Variants in SERBP1 observed in about 807,000 individuals in gnomAD.
SERBP1 encodes the protein SERPINE1 mRNA-binding protein 1.
Under a neutral mutation model 50.2 loss-of-function variants are expected in SERBP1, and 6 were observed. The ratio of observed to expected loss-of-function variants is 0.12; its 90% CI spans 0.07 to 0.24. The LOEUF (loss-of-function observed/expected upper bound fraction) is 0.24, where lower values mean the gene tolerates loss of function less well. SERBP1 is among the 10% of genes least tolerant of loss of function. SERBP1 has a pLI of 1.00. For synonymous variants in SERBP1, 168 were observed against 182.8 expected, an observed-to-expected ratio of 0.92 and a Z score of 0.65; for missense variants, 346 against 524.9, an observed-to-expected ratio of 0.66 and a Z score of 3.33.
At chr1:67,424,671 T>TG (rs1007108326) in intron 4 of SERBP1, among the ~76,000 whole-genome samples, 12 of 114,614 alleles carry the variant, frequency 1.0e-4, no homozygotes, top group African/African-American at 3.0e-4. Flanking sequence ...CAAATACATA[T>TG]GGGGGGGAAA....
intron 6 of SERBP1, among the ~76,000 whole-genome samples, chr1:67,417,971 G>GTTT (rs397861816): frequency 0.052 from 4,012 of 76,792 alleles, 366 homozygotes; most frequent in Non-Finnish European, 0.059. Context: ...TTAAAGTGTT[G>GTTT]TTTTTTTTTT....
chr1:67,415,608 C>T (rs374686663), intron 6 of SERBP1, among the ~76,000 whole-genome samples: 16 of 152,190 alleles, frequency 1.1e-4, no homozygotes, highest in South Asian at 4.1e-4. Context: ...TCAACCCAAA[C>T]GGCTGAAGCC....
chr1:67,429,899 C>T (rs1667513412), intron 1 of SERBP1, 89 bp downstream of exon 1: 2 of 1,381,424 alleles, frequency 1.4e-6, no homozygotes, highest in Admixed American at 2.3e-5. Flanking sequence ...TCCCGCGGAC[C>T]CTCGGAGCTC....
chr1:67,415,451 G>A (rs1403924853), intron 6 of SERBP1, 112 bp from the exon 7 acceptor site: 1 of 1,055,856 alleles, frequency 9.5e-7, no homozygotes, highest in Non-Finnish European at 1.3e-6. Context: ...TGTACTTTCT[G>A]TGAACAAATG....
intron 5 of SERBP1, among the ~76,000 whole-genome samples, chr1:67,421,207 C>T (rs1345314608): frequency 1.3e-5 from 2 of 151,772 alleles, no homozygotes; most frequent in African/African-American, 2.4e-5. Flanking sequence ...GGTACTGAGT[C>T]CACCTAGTCA....
chr1:67,413,054 T>C lies in SERBP1; in HGVS notation c.*153A>G. On this transcript the variant is annotated 3_prime_UTR_variant, in exon 8 of 8. Coordinates refer to ENST00000361219, the MANE Select transcript of SERBP1 (RefSeq NM_001018069.2). ...CTTCTGTGTAGCGGGAGAAGTTCAT[T>C]TTTAAAACAGATAAAATTCAGTCTT... 1 of 1,041,342 alleles carries C rather than the reference T, an allele frequency of 9.6e-7. No individual in the cohort carries two copies. The highest frequency in any genetic ancestry group is 1.3e-6 in the Non-Finnish European group (1 of 748,082). The allele number at this position is 1,041,342 out of a possible 1,614,324, so 64.5% of individuals were successfully genotyped here. A position where few individuals can be genotyped will look rare whatever the true frequency, so the allele number is the denominator to read the frequency against.
chr1:67,429,424 C>T (rs559799211), intron 1 of SERBP1: 5 of 152,552 alleles, frequency 3.3e-5, no homozygotes, highest in Middle Eastern at 3.4e-3. Context: ...AAAGGACATG[C>T]GGCACCCCAA....
At position 67,412,698 on chromosome 1, in the gene SERBP1, T is replaced by C. The variant is rs1395289254; in HGVS notation, c.*509A>G. 6.5e-6 allele frequency: 1 copy of C among 153,350 alleles called. No individual in the cohort carries two copies. The highest frequency in any genetic ancestry group is 2.4e-5 in the African/African-American group (1 of 41,464). 9.5% of individuals were successfully genotyped at this position (153,350 alleles called of 1,614,324 possible). A position where few individuals can be genotyped will look rare whatever the true frequency, so the allele number is the denominator to read the frequency against. On this transcript the variant is annotated 3_prime_UTR_variant, in exon 8 of 8. Coordinates refer to ENST00000361219, the MANE Select transcript of SERBP1 (RefSeq NM_001018069.2). ...AAGTTAAAATACATATAGTTAGTAT[T>C]CCACACAGCATAAAATTTGACAAAT...
chr1:67,417,177 G>C (rs1667038563), intron 6 of SERBP1: 1 of 152,198 alleles, frequency 6.6e-6, no homozygotes, highest in Non-Finnish European at 1.5e-5. Flanking sequence ...CTACATGACA[G>C]AGCAAGACCT....
chr1:67,417,276 C>CCA (rs1667042512), intron 6 of SERBP1: 3 of 152,004 alleles, frequency 2.0e-5, no homozygotes, highest in African/African-American at 7.2e-5. Context: ...AGCATGATCC[C>CCA]CACAAGGATG....
At chr1:67,429,919 G>A (rs1227065643) in intron 1 of SERBP1, 69 bp downstream of exon 1, 4 of 1,474,362 alleles carry the variant, frequency 2.7e-6, no homozygotes, top group Admixed American at 2.3e-5. Context: ...CCAGAAACAA[G>A]TGGCAGCCGG....
chr1:67,415,392 A>G (rs897205241), intron 6 of SERBP1, 53 bp from the exon 7 acceptor site: 1 of 1,447,468 alleles, frequency 6.9e-7, no homozygotes, highest in African/African-American at 1.5e-5. Context: ...TAACATTGCA[A>G]AATTTCTAAA....
Position 67,409,861 on chromosome 1 carries a change from C to T in SERBP1, c.*3346G>A, listed in dbSNP as rs1346760383. The T allele has an allele frequency of 6.6e-6, 1 of 152,138 alleles. No individual in the cohort carries two copies. The highest frequency in any genetic ancestry group is 1.9e-4 in the East Asian group (1 of 5,194). 9.4% of individuals were successfully genotyped at this position (152,138 alleles called of 1,614,324 possible). A position where few individuals can be genotyped will look rare whatever the true frequency, so the allele number is the denominator to read the frequency against. ...AGTTCAAATATGTATCATTTTACTGCCTTGTTACCAGTTATGCCATACAAA... is the reference window on the plus strand; with the variant it reads ...AGTTCAAATATGTATCATTTTACTGTCTTGTTACCAGTTATGCCATACAAA... On this transcript the variant is annotated 3_prime_UTR_variant, in exon 8 of 8. Transcript: ENST00000361219.
intron 6 of SERBP1, chr1:67,417,427 A>G (rs968127979): frequency 2.0e-5 from 3 of 152,190 alleles, no homozygotes; most frequent in African/African-American, 2.4e-5. Flanking sequence ...GAAAATTTTA[A>G]TATCTCTGGG....
At chr1:67,415,723 C>T (rs1430490221) in intron 6 of SERBP1, among the ~76,000 whole-genome samples, 1 of 152,126 alleles carries the variant, frequency 6.6e-6, no homozygotes. Context: ...TTGATGAAGA[C>T]CTCTGGAGAG....
rs1242966247 is a variant in SERBP1 at position 67,410,860 on chromosome 1, T to G, written c.*2347A>C. 1 of 152,134 alleles carries G rather than the reference T, an allele frequency of 6.6e-6. No individual in the cohort carries two copies. The allele number at this position is 152,134 out of a possible 1,614,324, so 9.4% of individuals were successfully genotyped here. On this transcript the variant is annotated 3_prime_UTR_variant, in exon 8 of 8. Coordinates refer to ENST00000361219, the MANE Select transcript of SERBP1 (RefSeq NM_001018069.2). ...TTTACAAGAATTCAACTTTCCCAAT[T>G]AAGTCATTAGTCATTAAGATAAGTA... is the stretch of plus-strand genomic sequence containing the variant.
chr1:67,416,551 ATCT>A (rs1557501580), intron 6 of SERBP1, among the ~76,000 whole-genome samples: 1 of 152,226 alleles, frequency 6.6e-6, no homozygotes, highest in Non-Finnish European at 1.5e-5. Flanking sequence ...CATCTAAGGA[ATCT>A]TCTTTTCTAA....
At chr1:67,417,968 GT>G (rs1438358576) in intron 6 of SERBP1, among the ~76,000 whole-genome samples, 3 of 85,564 alleles carry the variant, frequency 3.5e-5, no homozygotes, top group Non-Finnish European at 4.7e-5. Flanking sequence ...AAGTTAAAGT[GT>G]TGTTTTTTTT....
intron 7 of SERBP1, among the ~76,000 whole-genome samples, chr1:67,414,049 C>T (rs1449527641): frequency 6.6e-6 from 1 of 152,166 alleles, no homozygotes; most frequent in Admixed American, 6.5e-5. Context: ...CCAGACCTCC[C>T]AAAGTACTGG....
Sources: gnomAD v4.1 joint callset for allele counts (sites outside exome capture counted in the v4.1 genomes callset) on GRCh38, gnomAD v4.1.1 for gene constraint, MANE v1.5 for transcripts, NCBI Gene and HGNC (gene_info 2026-07-23, HGNC 2026-07-21) for gene names.